The following ITIH5 variants were observed in gnomAD, a reference collection of about 807,000 sequenced individuals.
ITIH5 encodes the protein inter-alpha-trypsin inhibitor heavy chain H5.
In ITIH5, 65 loss-of-function variants were observed where a neutral mutation model predicts 77.5. The observed-to-expected ratio is 0.84, with a 90% CI of 0.69 to 1.03. The LOEUF is 1.03. Ranked by LOEUF, ITIH5 falls within the 50% of genes least tolerant of loss-of-function variation. The pLI, the probability that ITIH5 is intolerant of heterozygous loss-of-function variation, is 0.00. For missense variants in ITIH5, 1,208 were observed against 1,213.1 expected, an observed-to-expected ratio of 1.00 and a Z score of 0.06; for synonymous variants, 525 against 494.3, an observed-to-expected ratio of 1.06 and a Z score of -0.82.
intron 1 of ITIH5, among the ~76,000 whole-genome samples, chr10:7,661,486 C>T (rs1390875309): frequency 6.6e-6 from 1 of 152,112 alleles, no homozygotes; most frequent in East Asian, 1.9e-4. Flanking sequence ...ACATGAGATG[C>T]CATTTATCAT....
At chr10:7,577,133 C>T in intron 9 of ITIH5, 121 bp from the exon 10 acceptor site, 1 of 751,146 alleles carries the variant, frequency 1.3e-6, no homozygotes. Flanking sequence ...GCAATTGAGT[C>T]CAACATGGCA....
At position 7,586,059 on chromosome 10, in the gene ITIH5, G is replaced by A. The variant is rs781247731; in HGVS notation, c.950C>T (p.Ala317Val). Reference protein sequence around the residue: ...VGTKLRQTKDALFTILHDLRP... With the variant: ...VGTKLRQTKDVLFTILHDLRP... ...GAGGTCATGGAGAATTGTGAAGAGG[G>A]CATCCTTGGTCTAGGCAAACACAAA... The change falls in exon 8 of 14, where the codon GCC (alanine) becomes GTC (valine). Residue 317 changes from alanine to valine, a missense_variant. By Grantham distance (64) the Ala-to-Val change is moderately conservative (BLOSUM62 0). Coordinates refer to ENST00000397146, the MANE Select transcript of ITIH5 (RefSeq NM_030569.7). 1 of 1,612,956 alleles carries A rather than the reference G, an allele frequency of 6.2e-7. No homozygotes were observed. Among genetic ancestry groups the A allele is most frequent in the South Asian group, 1.1e-5 (1 of 90,830 alleles).
intron 2 of ITIH5, among the ~76,000 whole-genome samples, chr10:7,644,606 C>CATATATATCAT (rs1564277689): frequency 9.4e-6 from 1 of 106,466 alleles, no homozygotes; most frequent in Non-Finnish European, 2.0e-5. Context: ...ATACATATCA[C>CATATATATCAT]ATATATCACA....
At chr10:7,598,264 A>G (rs1344039867) in intron 7 of ITIH5, among the ~76,000 whole-genome samples, 1 of 152,234 alleles carries the variant, frequency 6.6e-6, no homozygotes, top group East Asian at 1.9e-4. Flanking sequence ...ATAACCAAAA[A>G]AGGTGTCTCT....
At chr10:7,579,666 G>T in intron 9 of ITIH5, 89 bp downstream of exon 9, 1 of 1,304,068 alleles carries the variant, frequency 7.7e-7, no homozygotes, top group Non-Finnish European at 1.1e-6. Flanking sequence ...AGGCTGGGGT[G>T]CAGCAACACA....
chr10:7,664,745 T>G (rs954353470), intron 1 of ITIH5, among the ~76,000 whole-genome samples: 1 of 152,264 alleles, frequency 6.6e-6, no homozygotes, highest in Non-Finnish European at 1.5e-5. Context: ...AAAATTTGCA[T>G]AAGATTTGCA....
intron 8 of ITIH5, among the ~76,000 whole-genome samples, chr10:7,581,749 A>G (rs1832559671): frequency 9.6e-6 from 1 of 103,930 alleles, no homozygotes; most frequent in African/African-American, 3.6e-5. Flanking sequence ...TTTTTTAGAG[A>G]CAGGGTCTCA....
chr10:7,586,836 T>A (rs900693833), intron 7 of ITIH5, among the ~76,000 whole-genome samples: 1 of 130,794 alleles, frequency 7.6e-6, no homozygotes, highest in Non-Finnish European at 1.6e-5. Flanking sequence ...GGCATTCTTC[T>A]TATTTTTTTT....
At chr10:7,598,387 G>T (rs1050557200) in intron 7 of ITIH5, among the ~76,000 whole-genome samples, 1 of 152,112 alleles carries the variant, frequency 6.6e-6, no homozygotes, top group Admixed American at 6.6e-5. Flanking sequence ...TGGAAAATTT[G>T]GGATAGAAGT....
chr10:7,597,391 C>T (rs944959655), intron 7 of ITIH5, among the ~76,000 whole-genome samples: 2 of 152,198 alleles, frequency 1.3e-5, no homozygotes, highest in African/African-American at 2.4e-5. Flanking sequence ...TAAAAACTAT[C>T]TGTGACTTCA....
chr10:7,628,453 T>C (rs1389461085), intron 5 of ITIH5, among the ~76,000 whole-genome samples: 1 of 152,254 alleles, frequency 6.6e-6, no homozygotes, highest in Non-Finnish European at 1.5e-5. Flanking sequence ...TGTGTCCGTG[T>C]TGTGGCCTGT....
chr10:7,643,780 A>G (rs17432951), intron 2 of ITIH5, among the ~76,000 whole-genome samples: 31,289 of 152,214 alleles, frequency 0.21, 3,936 homozygotes, highest in Non-Finnish European at 0.29. Context: ...TCCTGCTGTG[A>G]CATACAAAGA....
intron 7 of ITIH5, among the ~76,000 whole-genome samples, chr10:7,591,579 C>T (rs11817800): frequency 0.067 from 10,128 of 152,246 alleles, 464 homozygotes; most frequent in East Asian, 0.2. Context: ...CTTTCCCTCC[C>T]CAAGACCCTT....
intron 2 of ITIH5, among the ~76,000 whole-genome samples, chr10:7,646,822 G>A (rs946735377): frequency 2.6e-5 from 4 of 152,112 alleles, no homozygotes; most frequent in Admixed American, 2.0e-4. Context: ...CGGTCACCTG[G>A]TAGCTTTCCC....
At chr10:7,618,944 AT>A (rs1198979361) in intron 5 of ITIH5, 1 of 152,242 alleles carries the variant, frequency 6.6e-6, no homozygotes, top group Non-Finnish European at 1.5e-5. Context: ...ATTTGCACTT[AT>A]CAAGGACAGG....
At chr10:7,581,242 A>G (rs1001683915) in intron 8 of ITIH5, among the ~76,000 whole-genome samples, 16 of 152,154 alleles carry the variant, frequency 1.1e-4, no homozygotes, top group African/African-American at 3.6e-4. Flanking sequence ...CCTGGGAAAC[A>G]GAGTGAGACG....
In ITIH5 at chr10:7,655,649, G is replaced by A. The variant is rs753297810; in HGVS notation, c.117C>T (p.Val39=). The A allele has an allele frequency of 1.2e-6, 2 of 1,613,028 alleles. No individual in the cohort carries two copies. The highest frequency in any genetic ancestry group is 1.7e-6 in the Non-Finnish European group (2 of 1,179,076). The change falls in exon 2 of 14, where the codon GTC becomes GTT. Residue 39 remains valine, a synonymous_variant. Transcript: ENST00000397146. ...EQDGLRVPRQ[V]RLLQRLKTKP... ...TACCTACCAGCCTCTGCAACAGTCTGACTTGCCTCGGGACCCTGAGTCCAT... is the reference window on the plus strand; with the variant it reads ...TACCTACCAGCCTCTGCAACAGTCTAACTTGCCTCGGGACCCTGAGTCCAT...
intron 1 of ITIH5, among the ~76,000 whole-genome samples, chr10:7,661,561 A>T (rs1368910626): frequency 6.6e-6 from 1 of 152,058 alleles, no homozygotes; most frequent in East Asian, 1.9e-4. Flanking sequence ...CTCACCCCAA[A>T]TTTTTCTTCC....
At chr10:7,604,234 A>G (rs957590287) in intron 7 of ITIH5, among the ~76,000 whole-genome samples, 1 of 152,174 alleles carries the variant, frequency 6.6e-6, no homozygotes, top group African/African-American at 2.4e-5. Context: ...AGAGTTGGGC[A>G]ACCTTCTATG....
Sources: gnomAD v4.1 joint callset for allele counts (sites outside exome capture counted in the v4.1 genomes callset) on GRCh38, gnomAD v4.1.1 for gene constraint, MANE v1.5 for transcripts, NCBI Gene and HGNC (gene_info 2026-07-23, HGNC 2026-07-21) for gene names.